CSMD1: variants seen among roughly 807,000 people sequenced by gnomAD.
CSMD1 encodes CUB and sushi domain-containing protein 1.
Under a neutral mutation model 417.5 loss-of-function variants are expected in CSMD1, and 213 were observed. The ratio of observed to expected loss-of-function variants is 0.51; its 90% CI spans 0.46 to 0.57. CSMD1 has a LOEUF of 0.57. CSMD1 is among the 20% of genes least tolerant of loss of function. The pLI, the probability that CSMD1 is intolerant of heterozygous loss-of-function variation, is 0.00. For synonymous variants in CSMD1, 2,862 were observed against 1,736.8 expected (o/e 1.65, Z -16.11); for missense variants, 6,923 against 4,529.7 (o/e 1.53, Z -15.17).
At chr8:4,179,298 G>C (rs1194099371) in intron 3 of CSMD1, among the ~76,000 whole-genome samples, 1 of 152,064 alleles carries the variant, frequency 6.6e-6, no homozygotes, top group Non-Finnish European at 1.5e-5. Context: ...TCTGATCTTT[G>C]ACAAACCTGA....
chr8:4,214,553 C>T (rs1169292042), intron 3 of CSMD1, among the ~76,000 whole-genome samples: 1 of 152,188 alleles, frequency 6.6e-6, no homozygotes, highest in East Asian at 1.9e-4. Flanking sequence ...CTGACTTGGC[C>T]TCCCAAAGTG....
intron 2 of CSMD1, among the ~76,000 whole-genome samples, chr8:4,443,055 T>C (rs1585082860): frequency 6.6e-6 from 1 of 152,196 alleles, no homozygotes; most frequent in African/African-American, 2.4e-5. Context: ...GAATATACAA[T>C]TATTTGAGAA....
intron 1 of CSMD1, among the ~76,000 whole-genome samples, chr8:4,732,780 C>T (rs1809987349): frequency 6.6e-6 from 1 of 152,272 alleles, no homozygotes; most frequent in Non-Finnish European, 1.5e-5. Context: ...CTAATTGTGC[C>T]CAAATCCTCC....
intron 7 of CSMD1, among the ~76,000 whole-genome samples, chr8:3,627,075 T>G (rs80252686): frequency 6.6e-6 from 1 of 152,142 alleles, no homozygotes; most frequent in African/African-American, 2.4e-5. Flanking sequence ...TGGTTGAGAA[T>G]TGCTGTGATA....
At chr8:4,818,630 G>C (rs918465914) in intron 1 of CSMD1, among the ~76,000 whole-genome samples, 3 of 152,140 alleles carry the variant, frequency 2.0e-5, no homozygotes, top group Admixed American at 1.3e-4. Flanking sequence ...GAAAGTGCCA[G>C]TAAAAGGAAA....
chr8:3,642,772 C>T (rs181497045), intron 7 of CSMD1, among the ~76,000 whole-genome samples: 3 of 152,046 alleles, frequency 2.0e-5, no homozygotes, highest in Non-Finnish European at 4.4e-5. Flanking sequence ...GCAATAAACG[C>T]ATTTCATGCA....
At chr8:4,975,447 T>C (rs1810494149) in intron 1 of CSMD1, among the ~76,000 whole-genome samples, 1 of 152,184 alleles carries the variant, frequency 6.6e-6, no homozygotes, top group Non-Finnish European at 1.5e-5. Flanking sequence ...TCTAAGTATG[T>C]ATTCATCAAT....
At chr8:3,542,910 C>A (rs148214850) in intron 10 of CSMD1, among the ~76,000 whole-genome samples, 1 of 152,218 alleles carries the variant, frequency 6.6e-6, no homozygotes, top group East Asian at 1.9e-4. Flanking sequence ...GTGGAGACAC[C>A]GTCCTCCCCA....
intron 3 of CSMD1, among the ~76,000 whole-genome samples, chr8:4,165,581 T>C (rs1355512499): frequency 1.3e-5 from 2 of 152,176 alleles, no homozygotes; most frequent in Non-Finnish European, 2.9e-5. Flanking sequence ...TTTAAAGTTA[T>C]TTGTAGAGAC....
intron 1 of CSMD1, among the ~76,000 whole-genome samples, chr8:4,690,675 T>G (rs1806711492): frequency 6.6e-6 from 1 of 152,278 alleles, no homozygotes; most frequent in Admixed American, 6.5e-5. Flanking sequence ...TTCAGCAGGA[T>G]TTTATGAATT....
Position 3,348,295 on chromosome 8 carries a change from T to C in CSMD1, c.3305-134A>G, listed in dbSNP as rs1808149891. ...GTGTTAGTAATATATTATTTCAAAA[T>C]AGATCAGTGATTTTTTTTTATTGTT... On this transcript the variant is annotated intron_variant, in intron 21 of 69. Transcript: ENST00000635120. 9.3e-6 allele frequency: 6 copies of C among 641,746 alleles called. 1 individual carries two copies. The highest frequency in any genetic ancestry group is 3.8e-5 in the Admixed American group (1 of 26,156). 39.8% of individuals were successfully genotyped at this position (641,746 alleles called of 1,614,324 possible). A position where few individuals can be genotyped will look rare whatever the true frequency, so the allele number is the denominator to read the frequency against.
chr8:4,000,983 A>G (rs915289126), intron 4 of CSMD1, among the ~76,000 whole-genome samples: 2 of 152,096 alleles, frequency 1.3e-5, no homozygotes, highest in African/African-American at 4.8e-5. Flanking sequence ...CTGAAACTAC[A>G]TACATTCTTC....
chr8:3,656,581 T>A (rs1339680235), intron 7 of CSMD1, among the ~76,000 whole-genome samples: 1 of 152,158 alleles, frequency 6.6e-6, no homozygotes, highest in Non-Finnish European at 1.5e-5. Context: ...GGAGTTTTCT[T>A]ACGAAGCCCT....
At chr8:4,098,035 T>A (rs1012913263) in intron 3 of CSMD1, among the ~76,000 whole-genome samples, 10 of 152,154 alleles carry the variant, frequency 6.6e-5, no homozygotes, top group African/African-American at 2.2e-4. Context: ...TCATATAATT[T>A]TTGTTCAGGC....
intron 3 of CSMD1, among the ~76,000 whole-genome samples, chr8:4,284,687 ATAAAACACTAAAATTTGGATTTC>A (rs1328584413): frequency 2.0e-5 from 3 of 152,138 alleles, no homozygotes; most frequent in Non-Finnish European, 2.9e-5. Flanking sequence ...CTTGACAGAT[ATAAAACACTAAAATTTGGATTTC>A]TACGACTCCC....
chr8:4,242,864 G>C (rs534126874), intron 3 of CSMD1, among the ~76,000 whole-genome samples: 5 of 152,154 alleles, frequency 3.3e-5, no homozygotes, highest in Admixed American at 3.3e-4. Flanking sequence ...TTAGATTAAA[G>C]CATCAGGATG....
intron 3 of CSMD1, among the ~76,000 whole-genome samples, chr8:4,089,450 G>C (rs553382222): frequency 6.6e-6 from 1 of 152,044 alleles, no homozygotes; most frequent in South Asian, 2.1e-4. Flanking sequence ...ACTCATTTTT[G>C]TGTCCTTCAT....
At chr8:4,457,218 G>T (rs943072994) in intron 2 of CSMD1, among the ~76,000 whole-genome samples, 1 of 152,040 alleles carries the variant, frequency 6.6e-6, no homozygotes, top group African/African-American at 2.4e-5. Flanking sequence ...GGGAAGGGGG[G>T]AACTCATCTT....
chr8:3,351,976 G>A, intron 21 of CSMD1, among the ~76,000 whole-genome samples: 1 of 152,030 alleles, frequency 6.6e-6, no homozygotes, highest in African/African-American at 2.4e-5. Context: ...ACATAGGACA[G>A]TTTTGTTTTT....
Sources: allele counts gnomAD v4.1 joint callset (sites outside exome capture counted in the v4.1 genomes callset), GRCh38; gene constraint gnomAD v4.1.1; transcripts MANE v1.5; gene names NCBI Gene and HGNC (gene_info 2026-07-23, HGNC 2026-07-21).